SLC41A2: variants seen among roughly 807,000 people sequenced by gnomAD.
The protein encoded by SLC41A2 is solute carrier family 41 member 2.
In SLC41A2, 32 loss-of-function variants were observed where a neutral mutation model predicts 58.3. The observed-to-expected ratio is 0.55, with a 90% CI of 0.41 to 0.74. The LOEUF is 0.74. Among genes scored for constraint, SLC41A2 ranks in the 30% least tolerant of loss-of-function variants. SLC41A2 has a pLI of 0.00. For synonymous variants in SLC41A2, 190 were observed against 235.0 expected, an observed-to-expected ratio of 0.81 and a Z score of 1.75; for missense variants, 514 against 680.6, an observed-to-expected ratio of 0.76 and a Z score of 2.72.
At chr12:104,905,960 C>T (rs1490870702) in intron 3 of SLC41A2, among the ~76,000 whole-genome samples, 1 of 152,244 alleles carries the variant, frequency 6.6e-6, no homozygotes, top group Non-Finnish European at 1.5e-5. Flanking sequence ...AAGGGGCTCC[C>T]ACAGTGCAGT....
chr12:104,834,096 A>G, intron 10 of SLC41A2: 1 of 985,406 alleles, frequency 1.0e-6, no homozygotes, highest in Non-Finnish European at 1.2e-6. Flanking sequence ...CTCACCTCAC[A>G]GGAATCAAGC....
chr12:104,884,410 C>T (rs1042547707), intron 6 of SLC41A2, among the ~76,000 whole-genome samples: 1 of 152,162 alleles, frequency 6.6e-6, no homozygotes, highest in African/African-American at 2.4e-5. Context: ...CAGAAATCAC[C>T]CATCTTCTGC....
Position 104,927,655 on chromosome 12 carries a change from A to G in SLC41A2, c.555+318T>C, listed in dbSNP as rs888398672. Among the ~76,000 whole-genome samples, 17 of 152,158 alleles carry G rather than the reference A, an allele frequency of 1.1e-4. 1 individual carries two copies. Among genetic ancestry groups the G allele is most frequent in the Admixed American group, 8.5e-4 (13 of 15,282 alleles). On this transcript the variant is annotated intron_variant, in intron 2 of 10. Transcript: ENST00000258538. Reference sequence around the variant, plus strand: ...GAAGTCATTTTAATGAGTATATATTAATTTTTATTTTAAAAGTAAGAAAGT... The same window carrying G: ...GAAGTCATTTTAATGAGTATATATTGATTTTTATTTTAAAAGTAAGAAAGT...
intron 2 of SLC41A2, among the ~76,000 whole-genome samples, chr12:104,924,882 A>G (rs535044495): frequency 6.6e-6 from 1 of 152,346 alleles, no homozygotes; most frequent in Non-Finnish European, 1.5e-5. Context: ...TGAAATTTAT[A>G]TAATGTTGAG....
chr12:104,927,344 T>C (rs561336994), intron 2 of SLC41A2, among the ~76,000 whole-genome samples: 1 of 152,294 alleles, frequency 6.6e-6, no homozygotes, highest in East Asian at 1.9e-4. Context: ...GGTATATACA[T>C]ACAATGGAAT....
intron 3 of SLC41A2, among the ~76,000 whole-genome samples, chr12:104,904,083 A>G (rs2045692360): frequency 6.6e-6 from 1 of 152,200 alleles, no homozygotes; most frequent in African/African-American, 2.4e-5. Flanking sequence ...CATTTGCAGC[A>G]TTTTGTTTTT....
At chr12:104,845,599 G>A (rs2042573004) in intron 9 of SLC41A2, among the ~76,000 whole-genome samples, 1 of 151,900 alleles carries the variant, frequency 6.6e-6, no homozygotes, top group Non-Finnish European at 1.5e-5. Context: ...ACAAAATAAG[G>A]TTTCTCTTTC....
chr12:104,890,264 T>A (rs1162411984), intron 4 of SLC41A2, among the ~76,000 whole-genome samples: 1 of 152,148 alleles, frequency 6.6e-6, no homozygotes, highest in African/African-American at 2.4e-5. Flanking sequence ...TCCAGCCCCA[T>A]GATCTTGTAT....
Position 104,912,386 on chromosome 12 carries a change from G to A in SLC41A2, c.556-2624C>T, listed in dbSNP as rs374444607. Among the ~76,000 whole-genome samples the A allele has an allele frequency of 1.1e-4, 17 of 152,274 alleles. No homozygotes were observed. In the South Asian group the frequency reaches 2.7e-3, roughly 24 times the overall value. On this transcript the variant is annotated intron_variant, in intron 2 of 10. Transcript: ENST00000258538. The stretch of plus-strand genomic sequence containing the variant: ...CCACCCACACAAACACCTTTGGGGA[G>A]GATGGAGGGACTGAAGGTTAAGTTG...
chr12:104,956,902 A>G (rs1443549993), intron 1 of SLC41A2, among the ~76,000 whole-genome samples: 1 of 152,198 alleles, frequency 6.6e-6, no homozygotes, highest in African/African-American at 2.4e-5. Context: ...TAACCAGTAA[A>G]AAAGTAACAA....
intron 7 of SLC41A2, among the ~76,000 whole-genome samples, 156 bp from the exon 8 acceptor site, chr12:104,861,526 A>G (rs2043211649): frequency 6.6e-6 from 1 of 152,258 alleles, no homozygotes; most frequent in Admixed American, 6.5e-5. Context: ...AATCAATGTC[A>G]ACAGTAAAAT....
At chr12:104,883,487 T>C (rs772697934) in intron 6 of SLC41A2, among the ~76,000 whole-genome samples, 164 of 152,224 alleles carry the variant, frequency 1.1e-3, no homozygotes, top group Non-Finnish European at 2.0e-3. Context: ...GATGGTGACC[T>C]ACAGATGGGG....
chr12:104,874,397 T>G (rs2043948417), intron 6 of SLC41A2, among the ~76,000 whole-genome samples: 1 of 152,194 alleles, frequency 6.6e-6, no homozygotes, highest in Non-Finnish European at 1.5e-5. Flanking sequence ...TTTTTTGATG[T>G]GATATCCAAA....
chr12:104,915,380 T>C (rs369373930), intron 2 of SLC41A2, among the ~76,000 whole-genome samples: 1 of 152,258 alleles, frequency 6.6e-6, no homozygotes, highest in Admixed American at 6.5e-5. Context: ...TTTCACGATA[T>C]TGATTCTTCC....
In SLC41A2 at chr12:104,819,742, G is replaced by A. The variant is rs117286618; in HGVS notation, c.1537-14405C>T. Among the ~76,000 whole-genome samples the A allele has an allele frequency of 6.6e-3, 1,003 of 152,258 alleles. 17 individuals are homozygous for A. The highest frequency in any genetic ancestry group is 0.042 in the East Asian group (217 of 5,182). ...AATTCTCAGACTCCCTTACCAGTAG[G>A]GTTCCAGCTAGAGATTAGGTTACAC... On this transcript the variant is annotated intron_variant, in intron 10 of 10. Transcript: ENST00000258538.
chr12:104,805,584 A>C (rs553356836), intron 10 of SLC41A2, among the ~76,000 whole-genome samples: 16 of 152,178 alleles, frequency 1.1e-4, no homozygotes, highest in Non-Finnish European at 2.2e-4. Context: ...CTAGCCTCCC[A>C]ATAGCCATAA....
intron 1 of SLC41A2, among the ~76,000 whole-genome samples, chr12:104,934,679 T>G (rs981662277): frequency 6.6e-6 from 1 of 152,230 alleles, no homozygotes; most frequent in Non-Finnish European, 1.5e-5. Flanking sequence ...GTTTATAAAC[T>G]ACAATGGAAT....
In SLC41A2 at chr12:104,928,378, G is replaced by A; in HGVS notation, c.150C>T (p.Tyr50=). ...NLLLSMVPVI[Y]QKNQEDRHKK... is the part of the protein sequence containing the mutation. ...TGTGCCTGTCTTCTTGGTTTTTCTG[G>A]TAAATCACTGGAACCATACTCAAGA... is the stretch of plus-strand genomic sequence containing the variant. Residue 50 remains tyrosine (Y), a synonymous_variant, in exon 2 of 11, where the codon TAC becomes TAT. Coordinates refer to ENST00000258538, the MANE Select transcript of SLC41A2 (RefSeq NM_001352171.3). The A allele has an allele frequency of 6.3e-7, 1 of 1,589,720 alleles. No individual in the cohort carries two copies. The highest frequency in any genetic ancestry group is 1.1e-5 in the South Asian group (1 of 88,758).
chr12:104,922,641 A>C (rs1383028583), intron 2 of SLC41A2, among the ~76,000 whole-genome samples: 1 of 152,204 alleles, frequency 6.6e-6, no homozygotes, highest in Non-Finnish European at 1.5e-5. Flanking sequence ...ATCAACAAAG[A>C]AACACTGGAG....
Sources: allele counts gnomAD v4.1 joint callset (sites outside exome capture counted in the v4.1 genomes callset), GRCh38; gene constraint gnomAD v4.1.1; transcripts MANE v1.5; gene names NCBI Gene and HGNC (gene_info 2026-07-23, HGNC 2026-07-21).